Variants in SPINK1 observed in about 807,000 individuals in gnomAD.
SPINK1 encodes serine protease inhibitor Kazal-type 1.
In SPINK1, 5 loss-of-function variants were observed where a neutral mutation model predicts 9.5. That is an observed-to-expected ratio of 0.52 (90% CI 0.27 to 1.10). The LOEUF is 1.10. Ranked by LOEUF, SPINK1 falls within the 50% of genes least tolerant of loss-of-function variation. SPINK1 has a pLI of 0.11. For synonymous variants in SPINK1, 37 were observed against 32.3 expected, an observed-to-expected ratio of 1.14 and a Z score of -0.49; for missense variants, 88 against 92.7, an observed-to-expected ratio of 0.95 and a Z score of 0.21.
chr5:147,837,984 G>A, the SPINK1 span, among the ~76,000 whole-genome samples: 2 of 152,124 alleles, frequency 1.3e-5, no homozygotes, highest in East Asian at 3.9e-4. Flanking sequence ...TTACAGGCAT[G>A]AGCCACTGTG....
chr5:147,828,254 T>G, intron 2 of SPINK1, 126 bp from the exon 3 acceptor site: 3 of 795,002 alleles, frequency 3.8e-6, no homozygotes, highest in Non-Finnish European at 6.3e-6. Flanking sequence ...CTGTGTGTTG[T>G]AAGAGAAATA....
At chr5:147,834,873 C>T, upstream of SPINK1, among the ~76,000 whole-genome samples, 1 of 152,094 alleles carries the variant, frequency 6.6e-6, no homozygotes. Flanking sequence ...CAGACAAATA[C>T]AGTTGTTAAA....
chr5:147,831,092 A>C (rs1299731147), intron 1 of SPINK1, among the ~76,000 whole-genome samples: 2 of 152,236 alleles, frequency 1.3e-5, no homozygotes, highest in African/African-American at 4.8e-5. Context: ...ACAATAAAAA[A>C]ATAAATTTTT....
chr5:147,838,285 T>A, the SPINK1 span, among the ~76,000 whole-genome samples: 1 of 152,214 alleles, frequency 6.6e-6, no homozygotes, highest in South Asian at 2.1e-4. Flanking sequence ...AAGAATTCTG[T>A]AGCTAAAGGT....
chr5:147,835,340 AC>A (rs1756578904), upstream of SPINK1, among the ~76,000 whole-genome samples: 1 of 152,024 alleles, frequency 6.6e-6, no homozygotes, highest in Admixed American at 6.6e-5. Flanking sequence ...TAATAATATC[AC>A]CCTCCTTCCA....
chr5:147,836,165 C>A (rs1235986552), upstream of SPINK1, among the ~76,000 whole-genome samples: 3 of 152,058 alleles, frequency 2.0e-5, no homozygotes, highest in South Asian at 2.1e-4. Context: ...TCAGTCACTG[C>A]AGTATTTTAT....
intron 3 of SPINK1, among the ~76,000 whole-genome samples, chr5:147,825,869 G>T (rs1275827505): frequency 6.6e-6 from 1 of 152,182 alleles, no homozygotes; most frequent in Admixed American, 6.5e-5. Flanking sequence ...TTGCTATGCT[G>T]TTCACTCTAG....
intron 3 of SPINK1, among the ~76,000 whole-genome samples, chr5:147,825,419 CT>C (rs1177435534): frequency 1.6e-4 from 24 of 146,304 alleles, no homozygotes; most frequent in Admixed American, 8.2e-4. Flanking sequence ...ACTTTTTTTT[CT>C]TTTTTTTTTC....
chr5:147,832,938 G>A (rs1398653505), upstream of SPINK1, among the ~76,000 whole-genome samples: 1 of 152,036 alleles, frequency 6.6e-6, no homozygotes, highest in Non-Finnish European at 1.5e-5. Flanking sequence ...TGTTGAGGGA[G>A]GCAAGTGACA....
intron 2 of SPINK1, among the ~76,000 whole-genome samples, chr5:147,828,630 C>G (rs1428343085): frequency 6.6e-6 from 1 of 152,214 alleles, no homozygotes; most frequent in Non-Finnish European, 1.5e-5. Context: ...AGTTTATAAT[C>G]ATCAAATGAT....
the SPINK1 span, among the ~76,000 whole-genome samples, chr5:147,836,868 T>C: frequency 6.6e-6 from 1 of 152,198 alleles, no homozygotes; most frequent in Non-Finnish European, 1.5e-5. Context: ...ACACCTTGGC[T>C]CTGGAGATAC....
At chr5:147,829,309 G>T (rs1240932175) in intron 2 of SPINK1, among the ~76,000 whole-genome samples, 2 of 152,118 alleles carry the variant, frequency 1.3e-5, no homozygotes, top group African/African-American at 4.8e-5. Context: ...AGTTGAGAAG[G>T]CTTCCACCCC....
intron 1 of SPINK1, 134 bp downstream of exon 1, chr5:147,831,386 TTGA>T (rs1756505110): frequency 8.9e-7 from 1 of 1,119,312 alleles, no homozygotes. Context: ...TTCTTACCTG[TTGA>T]TTTTATTTCA....
At chr5:147,835,054 T>G (rs1756573677), upstream of SPINK1, among the ~76,000 whole-genome samples, 1 of 152,052 alleles carries the variant, frequency 6.6e-6, no homozygotes, top group South Asian at 2.1e-4. Context: ...TAAGATGAAT[T>G]CTAGTTAAAA....
upstream of SPINK1, among the ~76,000 whole-genome samples, chr5:147,836,449 C>T (rs1175105153): frequency 3.9e-5 from 6 of 151,972 alleles, no homozygotes; most frequent in Non-Finnish European, 4.4e-5. Context: ...TGCACTTAAG[C>T]GTCTCTGTTA....
chr5:147,836,807 G>A, the SPINK1 span, among the ~76,000 whole-genome samples: 1 of 152,092 alleles, frequency 6.6e-6, no homozygotes, highest in South Asian at 2.1e-4. Context: ...ACTCTCTCCA[G>A]CCAGGAATGA....
chr5:147,824,762 A>G (rs1580939456), intron 3 of SPINK1, 56 bp from the exon 4 acceptor site: 12 of 1,523,228 alleles, frequency 7.9e-6, no homozygotes, highest in Non-Finnish European at 1.1e-5. Context: ...TGAAAAAGTG[A>G]CTATGGGAGA....
chr5:147,831,677 C>T (rs1756511958), upstream of SPINK1: 1 of 1,565,970 alleles, frequency 6.4e-7, no homozygotes, highest in African/African-American at 1.4e-5. Context: ...CAGATGGCAG[C>T]AAGGCCCCAC....
chr5:147,838,347 G>C, the SPINK1 span, among the ~76,000 whole-genome samples: 2 of 152,324 alleles, frequency 1.3e-5, no homozygotes, highest in Non-Finnish European at 2.9e-5. Flanking sequence ...CCACATTTCA[G>C]ATAAGGAAAT....
Sources: gnomAD v4.1 joint callset for allele counts (sites outside exome capture counted in the v4.1 genomes callset) on GRCh38, gnomAD v4.1.1 for gene constraint, MANE v1.5 for transcripts, NCBI Gene and HGNC (gene_info 2026-07-23, HGNC 2026-07-21) for gene names.